Variants in CD81 observed in about 807,000 individuals in gnomAD.
The protein encoded by CD81 is CD81 molecule.
A neutral mutation model predicts 30.1 loss-of-function variants in CD81; 10 were observed. The observed-to-expected ratio is 0.33, with a 90% CI of 0.21 to 0.56. The LOEUF (loss-of-function observed/expected upper bound fraction) is 0.56, where lower values mean the gene tolerates loss of function less well. Ranked by LOEUF, CD81 falls within the 20% of genes least tolerant of loss-of-function variation. CD81 has a pLI of 0.89. For synonymous variants in CD81, 147 were observed against 126.4 expected (o/e 1.16, Z -1.10); for missense variants, 263 against 308.7 (o/e 0.85, Z 1.11).
chr11:2,397,146 G>A lies in CD81; in HGVS notation c.*280G>A, dbSNP rs952010149. On this transcript the variant is annotated 3_prime_UTR_variant, in exon 8 of 8. Coordinates refer to ENST00000263645, the MANE Select transcript of CD81 (RefSeq NM_004356.4). ...CCTGGGGTCCCAGGGTGCTCTGCCT[G>A]CTCAGCCAGGCCTCTCCTGGGAGCC... 1.2e-5 allele frequency: 6 copies of A among 501,458 alleles called. No homozygotes were observed. Among genetic ancestry groups the A allele is most frequent in the Non-Finnish European group, 2.2e-5 (6 of 275,190 alleles). 31.1% of individuals were successfully genotyped at this position (501,458 alleles called of 1,614,324 possible).
chr11:2,395,603 C>T (rs976554347), intron 5 of CD81, 83 bp downstream of exon 5: 8 of 1,096,666 alleles, frequency 7.3e-6, no homozygotes, highest in East Asian at 2.4e-5. Flanking sequence ...ATCCTGCCTA[C>T]GCCCAGACCT....
Position 2,377,659 on chromosome 11 carries a change from CA to C in CD81, c.66+45del. Reference sequence around the variant, plus strand: ...GCCGGGGCGGGAGGGGGCAGGCACACACTCCACGTTGGGCAGGTCCCGCGGC... The same window carrying C: ...GCCGGGGCGGGAGGGGGCAGGCACACCTCCACGTTGGGCAGGTCCCGCGGC... On this transcript the variant is annotated intron_variant, in intron 1 of 7. Coordinates refer to ENST00000263645, the MANE Select transcript of CD81 (RefSeq NM_004356.4). The surrounding 1 kb of genome is among the most constrained non-coding windows in gnomAD (Gnocchi z 7.7). 1 of 1,350,502 alleles carries C rather than the reference CA, an allele frequency of 7.4e-7. No individual in the cohort carries two copies. The highest frequency in any genetic ancestry group is 1.0e-6 in the Non-Finnish European group (1 of 984,016). 83.7% of individuals were successfully genotyped at this position (1,350,502 alleles called of 1,614,324 possible). A position where few individuals can be genotyped will look rare whatever the true frequency, so the allele number is the denominator to read the frequency against.
Position 2,395,994 on chromosome 11 carries a change from G to A in CD81, c.561+24G>A, listed in dbSNP as rs372201495. On this transcript the variant is annotated intron_variant, in intron 6 of 7. Coordinates refer to ENST00000263645, the MANE Select transcript of CD81 (RefSeq NM_004356.4). ...AGGTGCGCGAGGCCGGTGGGGCCGC[G>A]CCTGACCCCCCGCATGTCCCGCCCC... 6.6e-6 allele frequency: 10 copies of A among 1,508,440 alleles called. No individual in the cohort carries two copies. The African/African-American group carries it at 8.2e-5, about 12-fold the overall frequency. 93.4% of individuals were successfully genotyped at this position (1,508,440 alleles called of 1,614,324 possible). A position where few individuals can be genotyped will look rare whatever the true frequency, so the allele number is the denominator to read the frequency against.
chr11:2,396,200 G>C lies in CD81; in HGVS notation c.561+230G>C, dbSNP rs546958047. ...CCGGGTGAAGAAGGTGGAGGCTCTG[G>C]GGGGTGGGAACTCACCTGCACCCCC... On this transcript the variant is annotated intron_variant, in intron 6 of 7. Transcript: ENST00000263645. 4.9e-6 allele frequency: 3 copies of C among 608,012 alleles called. No homozygotes were observed. In the South Asian group the frequency reaches 5.5e-5, roughly 11 times the overall value. 37.7% of individuals were successfully genotyped at this position (608,012 alleles called of 1,614,324 possible).
At chr11:2,394,769 G>T in intron 3 of CD81, 1 of 646,040 alleles carries the variant, frequency 1.5e-6, no homozygotes, top group Non-Finnish European at 2.8e-6. Flanking sequence ...GGGACATCCT[G>T]GGCTTTGACG....
chr11:2,395,391 G>T (rs767193184), intron 4 of CD81, 25 bp from the exon 5 acceptor site: 4 of 1,566,306 alleles, frequency 2.6e-6, no homozygotes, highest in Non-Finnish European at 2.6e-6. Flanking sequence ...TTCCCCCTGT[G>T]CATGTGACCG....
intron 5 of CD81, 146 bp from the exon 6 acceptor site, chr11:2,395,723 G>C (rs935486885): frequency 2.6e-6 from 2 of 762,004 alleles, no homozygotes; most frequent in African/African-American, 3.4e-5. Context: ...TCTGAGCAGC[G>C]CAGCTGAGGA....
chr11:2,387,905 CAGA>C (rs1158538992), intron 1 of CD81, among the ~76,000 whole-genome samples: 3 of 152,214 alleles, frequency 2.0e-5, no homozygotes, highest in Non-Finnish European at 4.4e-5. Flanking sequence ...CACAGCTCCT[CAGA>C]AGAAGGTCTG....
intron 1 of CD81, among the ~76,000 whole-genome samples, chr11:2,379,906 A>G (rs1464626167): frequency 6.6e-6 from 1 of 152,066 alleles, no homozygotes; most frequent in African/African-American, 2.4e-5. Context: ...ACCCCCCTCC[A>G]CCCTGGTGTC....
chr11:2,386,759 A>G (rs560640502), intron 1 of CD81: 8 of 658,362 alleles, frequency 1.2e-5, no homozygotes, highest in Admixed American at 2.1e-5. Flanking sequence ...CGTCACCCCC[A>G]TTTCCGGCTG....
intron 1 of CD81, among the ~76,000 whole-genome samples, chr11:2,384,021 G>GCCTTTTGCTC (rs1349225598): frequency 6.6e-6 from 1 of 152,196 alleles, no homozygotes; most frequent in African/African-American, 2.4e-5. Flanking sequence ...AGCGCCTGCT[G>GCCTTTTGCTC]CCTTTTGCTC....
intron 1 of CD81, among the ~76,000 whole-genome samples, chr11:2,383,230 T>C (rs1199983943): frequency 1.3e-5 from 2 of 152,300 alleles, no homozygotes; most frequent in African/African-American, 4.8e-5. Flanking sequence ...CCCTCCATGC[T>C]GCCTTTTCGC....
rs754071503 is a variant in CD81 at position 2,390,507 on chromosome 11, G to A, written c.162G>A (p.Ala54=). The A allele has an allele frequency of 3.3e-5, 54 of 1,612,382 alleles. No individual in the cohort carries two copies. The highest frequency in any genetic ancestry group is 4.1e-5 in the Non-Finnish European group (48 of 1,179,552). ...LLYLELGDKP[A]PNTFYVGIYI... is the part of the protein sequence containing the mutation. The stretch of plus-strand genomic sequence containing the variant: ...ATCTGGAGCTGGGAGACAAGCCCGC[G>A]CCCAACACCTTCTATGTAGGTGAGT... Residue 54 remains alanine, a synonymous_variant, in exon 2 of 8, where the codon GCG becomes GCA. Transcript: ENST00000263645.
intron 1 of CD81, among the ~76,000 whole-genome samples, chr11:2,381,289 C>T (rs866959412): frequency 1.3e-5 from 2 of 152,228 alleles, no homozygotes; most frequent in Non-Finnish European, 2.9e-5. Flanking sequence ...CCTACTTCCC[C>T]GGTCGCCCCT....
At chr11:2,391,052 G>T (rs1849890757) in intron 2 of CD81, 3 of 233,262 alleles carry the variant, frequency 1.3e-5, no homozygotes, top group Non-Finnish European at 2.6e-5. Context: ...GGACTGGGCT[G>T]CCCTCCCTGC....
chr11:2,396,593 G>C, intron 6 of CD81, 35 bp from the exon 7 acceptor site: 1 of 1,567,574 alleles, frequency 6.4e-7, no homozygotes, highest in African/African-American at 1.4e-5. Flanking sequence ...GCCGAGGCCC[G>C]GTCCCTGACC....
At chr11:2,385,586 C>CTGTGCACCCATGCTGTGGCGTGCCTGTT (rs1564990879) in intron 1 of CD81, 1 of 240,848 alleles carries the variant, frequency 4.2e-6, no homozygotes, top group Admixed American at 5.4e-5. Context: ...GCGTGCCCGT[C>CTGTGCACCCATGCTGTGGCGTGCCTGTT]GTCTGTGTGG....
upstream of CD81, chr11:2,377,019 A>G (rs535107626): frequency 6.6e-6 from 1 of 152,404 alleles, no homozygotes; most frequent in African/African-American, 2.4e-5. The surrounding 1 kb of genome is among the most constrained non-coding windows in gnomAD (Gnocchi z 7.7). Context: ...ACTCCTGGGC[A>G]GACGCTGCAT....
intron 1 of CD81, among the ~76,000 whole-genome samples, chr11:2,384,085 C>G (rs552065173): frequency 4.1e-4 from 62 of 152,324 alleles, no homozygotes; most frequent in African/African-American, 1.3e-3. Flanking sequence ...ACCCAGTGTG[C>G]TTGGCAGCCC....
Sources: allele counts gnomAD v4.1 joint callset (sites outside exome capture counted in the v4.1 genomes callset), GRCh38; gene constraint gnomAD v4.1.1; non-coding constraint Gnocchi (gnomAD v3.1); transcripts MANE v1.5; gene names NCBI Gene and HGNC (gene_info 2026-07-23, HGNC 2026-07-21).